The following MAP3K14 variants were observed in gnomAD, a reference collection of about 807,000 sequenced individuals.
MAP3K14 encodes the protein mitogen-activated protein kinase kinase kinase 14, also known as NF-kappa-beta-inducing kinase.
MAP3K14 carries 16 observed loss-of-function variants against 99.2 expected under a neutral mutation model. The ratio of observed to expected loss-of-function variants is 0.16; its 90% CI spans 0.11 to 0.24. The LOEUF (loss-of-function observed/expected upper bound fraction) is 0.24, where lower values mean the gene tolerates loss of function less well. Ranked by LOEUF, MAP3K14 falls within the 10% of genes least tolerant of loss-of-function variation. The pLI is 1.00. For synonymous variants in MAP3K14, 462 were observed against 492.4 expected (o/e 0.94, Z 0.82); for missense variants, 784 against 1,208.7 (o/e 0.65, Z 5.21).
Position 45,286,703 on chromosome 17 carries a change from T to G in MAP3K14, c.880A>C (p.Lys294Gln), listed in dbSNP as rs113278485. The G allele has an allele frequency of 2.0e-4, 321 of 1,610,040 alleles. 2 individuals are homozygous for G. In the African/African-American group the frequency reaches 3.6e-3, roughly 18 times the overall value. The stretch of plus-strand genomic sequence containing the variant: ...CTCAGGTGTGGGTCAGGCAAGGGTT[T>G]CTGGCTGTCTACACAGGCCAGTTTG... Reference protein sequence around the residue: ...LGKLACVDSQKPLPDPHLSKL... With the variant: ...LGKLACVDSQQPLPDPHLSKL... Residue 294 changes from lysine (K) to glutamine (Q), a missense_variant, in exon 5 of 16, where the codon AAA becomes CAA. By Grantham distance (53) the Lys-to-Gln change is moderately conservative. Transcript: ENST00000344686. The surrounding 1 kb of genome is among the most constrained non-coding windows in gnomAD (Gnocchi z 4.1).
rs919912992 is a variant in MAP3K14, at chr17:45,311,556, A to T, written c.-21+5404T>A. ...CGTCAGGAGAAGCTGTAGTAACCAG[A>T]ACCTGGGAGGGAGGGATGGCTCAGG... is the stretch of plus-strand genomic sequence containing the variant. On this transcript the variant is annotated intron_variant, in intron 1 of 15. Coordinates refer to ENST00000344686, the MANE Select transcript of MAP3K14 (RefSeq NM_003954.5). Among the ~76,000 whole-genome samples, 14 of 152,282 alleles carry T rather than the reference A, an allele frequency of 9.2e-5. No homozygotes were observed. The South Asian group carries it at 2.7e-3, about 29-fold the overall frequency.
rs778219067 is a variant in MAP3K14, at chr17:45,267,808, C to G, written c.1973-49G>C. 1 of 1,527,140 alleles carries G rather than the reference C, an allele frequency of 6.5e-7. No individual in the cohort carries two copies. The highest frequency in any genetic ancestry group is 1.1e-5 in the South Asian group (1 of 87,026). 94.6% of individuals were successfully genotyped at this position (1,527,140 alleles called of 1,614,324 possible). A position where few individuals can be genotyped will look rare whatever the true frequency, so the allele number is the denominator to read the frequency against. On this transcript the variant is annotated intron_variant, in intron 11 of 15. Transcript: ENST00000344686. This position sits in a 1 kb window ranked among gnomAD's most constrained non-coding sequence, Gnocchi z 5.1. ...TGAGGGGAAGCGTGCTGTGCACAGA[C>G]AGCGGTCCAGGCAGGAGCGGCCTCT...
At chr17:45,291,629 A>C (rs1429544105) in intron 1 of MAP3K14, among the ~76,000 whole-genome samples, 2 of 152,220 alleles carry the variant, frequency 1.3e-5, no homozygotes, top group Non-Finnish European at 2.9e-5. Flanking sequence ...AGTTGCCAAC[A>C]ATCTGTGCAA....
In MAP3K14 at chr17:45,274,904, G is replaced by A. The variant is rs561401892; in HGVS notation, c.1291-311C>T. Among the ~76,000 whole-genome samples the A allele has an allele frequency of 2.6e-5, 4 of 152,340 alleles. No homozygotes were observed. The East Asian group carries it at 7.7e-4, about 29-fold the overall frequency. ...TATAATCCCAGCACTTTGGGAGGCC[G>A]AGGCGGGTGGATCACGAGGTCAGGA... On this transcript the variant is annotated intron_variant, in intron 6 of 15. Transcript: ENST00000344686.
chr17:45,274,281 A>G (rs1431594875), intron 7 of MAP3K14, 27 bp from the exon 8 acceptor site: 2 of 1,594,288 alleles, frequency 1.3e-6, no homozygotes, highest in African/African-American at 1.3e-5. Flanking sequence ...CAGGCTATAC[A>G]TGGGACTTGC....
chr17:45,286,361 G>A lies in MAP3K14; in HGVS notation c.1152+70C>T. ...TGTCACCACAGGCAAGAGTGACTCT[G>A]ATAAAGAGAGAAAAGCATCCCCCAG... On this transcript the variant is annotated intron_variant, in intron 5 of 15. Coordinates refer to ENST00000344686, the MANE Select transcript of MAP3K14 (RefSeq NM_003954.5). The surrounding 1 kb of genome is among the most constrained non-coding windows in gnomAD (Gnocchi z 4.1). 1 of 1,468,618 alleles carries A rather than the reference G, an allele frequency of 6.8e-7. No individual in the cohort carries two copies. The highest frequency in any genetic ancestry group is 9.1e-7 in the Non-Finnish European group (1 of 1,103,204). 91.0% of individuals were successfully genotyped at this position (1,468,618 alleles called of 1,614,324 possible). A position where few individuals can be genotyped will look rare whatever the true frequency, so the allele number is the denominator to read the frequency against.
At chr17:45,274,286 A>G (rs2044162551) in intron 7 of MAP3K14, 32 bp from the exon 8 acceptor site, 2 of 1,590,506 alleles carry the variant, frequency 1.3e-6, no homozygotes, top group Non-Finnish European at 1.7e-6. Context: ...TATACATGGG[A>G]CTTGCCCGAG....
rs868001420 is a variant in MAP3K14 at position 45,292,437 on chromosome 17, T to C, written c.-20-1672A>G. On this transcript the variant is annotated intron_variant, in intron 1 of 15. Coordinates refer to ENST00000344686, the MANE Select transcript of MAP3K14 (RefSeq NM_003954.5). ...AAAAAATTAGCTGGGGTAGCTGGCC[T>C]GTAGTCCCAGCTACTCTAGAGGCTG... 1.1e-4 allele frequency among the ~76,000 whole-genome samples: 16 copies of C among 152,120 alleles called. No individual in the cohort carries two copies. In the South Asian group the frequency reaches 1.2e-3, roughly 12 times the overall value.
In MAP3K14 at chr17:45,267,089, C is replaced by T. The variant is rs549858466; in HGVS notation, c.2433+3G>A. The T allele has an allele frequency of 1.0e-5, 16 of 1,573,866 alleles. No homozygotes were observed. In the East Asian group the frequency reaches 3.5e-4, roughly 35 times the overall value. ...CATGGCTCCGGGGCCACAACCGACT[C>T]ACCTTCTCACTGTCATCCGACAGGG... On this transcript the variant is annotated splice_donor_region_variant and intron_variant, in intron 13 of 15. Transcript: ENST00000344686. This position sits in a 1 kb window ranked among gnomAD's most constrained non-coding sequence, Gnocchi z 5.1.
chr17:45,308,928 A>C (rs1204236443), intron 1 of MAP3K14, among the ~76,000 whole-genome samples: 1 of 152,034 alleles, frequency 6.6e-6, no homozygotes, highest in Non-Finnish European at 1.5e-5. Context: ...TGGCCTCCCG[A>C]AGTGCTGGGA....
chr17:45,308,654 C>T (rs1213901621), intron 1 of MAP3K14, among the ~76,000 whole-genome samples: 4 of 151,986 alleles, frequency 2.6e-5, no homozygotes, highest in Non-Finnish European at 5.9e-5. Flanking sequence ...AGGTAAGCAC[C>T]ACCATGCCCA....
At chr17:45,273,457 G>T in intron 9 of MAP3K14, 46 bp downstream of exon 9, 1 of 1,417,402 alleles carries the variant, frequency 7.1e-7, no homozygotes, top group Non-Finnish European at 9.8e-7. Context: ...AAGGCATTTG[G>T]CGAATGAATG....
intron 1 of MAP3K14, among the ~76,000 whole-genome samples, chr17:45,300,749 T>C: frequency 6.6e-6 from 1 of 152,100 alleles, no homozygotes; most frequent in Admixed American, 6.5e-5. Context: ...ACAATGTAGA[T>C]GAAGGAACTC....
rs769698301 is a variant in MAP3K14 at position 45,284,808 on chromosome 17, G to A, written c.1290+4C>T. On this transcript the variant is annotated splice_donor_region_variant and intron_variant, in intron 6 of 15. Coordinates refer to ENST00000344686, the MANE Select transcript of MAP3K14 (RefSeq NM_003954.5). ...CTTCACTCAGCCCCTGAGCCCTGGC[G>A]TACCTTTTTGACAGCGCACTGGAAG... 1.1e-5 allele frequency: 18 copies of A among 1,590,672 alleles called. No individual in the cohort carries two copies. Among genetic ancestry groups the A allele is most frequent in the African/African-American group, 5.4e-5 (4 of 74,350 alleles).
At chr17:45,308,220 A>G (rs2044444791) in intron 1 of MAP3K14, among the ~76,000 whole-genome samples, 2 of 152,190 alleles carry the variant, frequency 1.3e-5, no homozygotes, top group Admixed American at 6.5e-5. Context: ...TCAACAGCAA[A>G]TATTTAATCA....
Position 45,267,211 on chromosome 17 carries a change from G to A in MAP3K14, c.2327-13C>T. 1 of 1,554,650 alleles carries A rather than the reference G, an allele frequency of 6.4e-7. No individual in the cohort carries two copies. The highest frequency in any genetic ancestry group is 8.8e-7 in the Non-Finnish European group (1 of 1,141,420). ...TTGAGGAATAATTCTGCAGGGAAAA[G>A]TGGAAGATGGCTGTGAAAGACTGGG... On this transcript the variant is annotated splice_polypyrimidine_tract_variant and intron_variant, in intron 12 of 15. Transcript: ENST00000344686. The surrounding 1 kb of genome is among the most constrained non-coding windows in gnomAD (Gnocchi z 5.1).
chr17:45,265,300 T>G, intron 14 of MAP3K14, 37 bp from the exon 15 acceptor site: 3 of 1,421,900 alleles, frequency 2.1e-6, no homozygotes, highest in Non-Finnish European at 3.0e-6. Flanking sequence ...GGAGAGCGGC[T>G]GCTGGCTCCC....
rs1473734876 is a variant in MAP3K14, at chr17:45,267,553, A to G, written c.2179T>C (p.Ser727Pro). The G allele has an allele frequency of 6.2e-7, 1 of 1,613,404 alleles. No individual in the cohort carries two copies. Among genetic ancestry groups the G allele is most frequent in the Non-Finnish European group, 8.5e-7 (1 of 1,179,618 alleles). The change falls in exon 12 of 16, where the codon TCT (serine) becomes CCT (proline). Residue 727 changes from serine to proline, a missense_variant. Physicochemically the swap from Ser to Pro is moderately conservative, Grantham distance 74. Around this residue, in one of 5 missense-constraint regions of MAP3K14, gnomAD observed 128 missense variants for 143.3 expected, o/e 0.89. Transcript: ENST00000344686. This position sits in a 1 kb window ranked among gnomAD's most constrained non-coding sequence, Gnocchi z 5.1. Reference sequence around the variant, plus strand: ...TCCTTGCTCAAAGTCAAGGGAGGAGACTTGTTTGGCTCTGGGGGCTCTGGT... The same window carrying G: ...TCCTTGCTCAAAGTCAAGGGAGGAGGCTTGTTTGGCTCTGGGGGCTCTGGT... ...LPPEPPEPNK[S>P]PPLTLSKEES... is the part of the protein sequence containing the mutation.
Position 45,286,665 on chromosome 17 carries a change from A to G in MAP3K14, c.918T>C (p.Cys306=), listed in dbSNP as rs761264502. Residue 306 remains cysteine, a synonymous_variant, in exon 5 of 16, where the codon TGT becomes TGC. Coordinates refer to ENST00000344686, the MANE Select transcript of MAP3K14 (RefSeq NM_003954.5). This position sits in a 1 kb window ranked among gnomAD's most constrained non-coding sequence, Gnocchi z 4.1. The part of the protein sequence containing the change: ...LPDPHLSKLA[C]VDSPKPLPGP... ...CAGGCAGGGGCTTTGGACTGTCTACACAGGCCAGTTTGCTCAGGTGTGGGT... is the reference window on the plus strand; with the variant it reads ...CAGGCAGGGGCTTTGGACTGTCTACGCAGGCCAGTTTGCTCAGGTGTGGGT... The G allele has an allele frequency of 9.9e-6, 16 of 1,610,326 alleles. No homozygotes were observed. Among genetic ancestry groups the G allele is most frequent in the Middle Eastern group, 1.6e-4 (1 of 6,078 alleles).
Sources: gnomAD v4.1 joint callset for allele counts (sites outside exome capture counted in the v4.1 genomes callset) on GRCh38, gnomAD v4.1.1 for gene constraint, gnomAD v4.1.1 regional missense constraint, Gnocchi (gnomAD v3.1) non-coding constraint, MANE v1.5 for transcripts, NCBI Gene and HGNC (gene_info 2026-07-23, HGNC 2026-07-21) for gene names.